Variants in DIP2A observed in about 807,000 individuals in gnomAD.
DIP2A encodes the protein DIP2 acetate--CoA ligase A.
DIP2A carries 85 observed loss-of-function variants against 177.4 expected under a neutral mutation model. That is an observed-to-expected ratio of 0.48 (90% CI 0.40 to 0.57). The LOEUF (loss-of-function observed/expected upper bound fraction) is 0.57, where lower values mean the gene tolerates loss of function less well. DIP2A is among the 20% of genes least tolerant of loss of function. The pLI is 0.00. For synonymous variants in DIP2A, 886 were observed against 881.8 expected (o/e 1.00, Z -0.08); for missense variants, 1,791 against 2,100.2 (o/e 0.85, Z 2.88).
rs1390704837 is a variant in DIP2A, at chr21:46,506,762, TTCTTTC to T, written c.784+2275_784+2280del. 3.0e-3 allele frequency among the ~76,000 whole-genome samples: 323 copies of T among 107,270 alleles called. 12 individuals are homozygous for T. The highest frequency in any genetic ancestry group is 0.011 in the African/African-American group (303 of 27,980). The allele number at this position is 107,270 out of a possible 152,430, so 70.4% of individuals were successfully genotyped here. On this transcript the variant is annotated intron_variant, in intron 6 of 37. Coordinates refer to ENST00000417564, the MANE Select transcript of DIP2A (RefSeq NM_015151.4). Reference sequence around the variant, plus strand: ...TTTCTTTCTTTCTTTCTTTCTTTCTTTCTTTCTTTCTTTTCTTTTCTTTCTTTTCTT... The same window carrying T: ...TTTCTTTCTTTCTTTCTTTCTTTCTTTTTCTTTTCTTTTCTTTCTTTTCTT...
chr21:46,567,710 C>G lies in DIP2A; in HGVS notation c.*88C>G. ...GGAAGACACCGCAGAGCTCACTCAC[C>G]GGGACTCGCCCTTCCTGTGCTCTTA... is the stretch of plus-strand genomic sequence containing the variant. On this transcript the variant is annotated 3_prime_UTR_variant, in exon 38 of 38. Transcript: ENST00000417564. The G allele has an allele frequency of 2.7e-6, 4 of 1,470,974 alleles. No homozygotes were observed. Among genetic ancestry groups the G allele is most frequent in the Non-Finnish European group, 3.6e-6 (4 of 1,104,070 alleles). The allele number at this position is 1,470,974 out of a possible 1,614,324, so 91.1% of individuals were successfully genotyped here. A position where few individuals can be genotyped will look rare whatever the true frequency, so the allele number is the denominator to read the frequency against.
At chr21:46,520,832 A>C (rs2058793014) in intron 8 of DIP2A, among the ~76,000 whole-genome samples, 1 of 152,250 alleles carries the variant, frequency 6.6e-6, no homozygotes, top group South Asian at 2.1e-4. Flanking sequence ...GCATCATTTC[A>C]TATCTGACAG....
At chr21:46,462,898 A>T (rs538062785) in intron 1 of DIP2A, 1 of 152,280 alleles carries the variant, frequency 6.6e-6, no homozygotes, top group East Asian at 1.9e-4. Flanking sequence ...CTCATCATCA[A>T]CCATAGTGAT....
rs778926221 is a variant in DIP2A, at chr21:46,498,183, C to T, written c.404-399C>T. Among the ~76,000 whole-genome samples the T allele has an allele frequency of 1.3e-5, 2 of 152,154 alleles. No individual in the cohort carries two copies. The highest frequency in any genetic ancestry group is 6.5e-5 in the Admixed American group (1 of 15,282). On this transcript the variant is annotated intron_variant, in intron 4 of 37. Coordinates refer to ENST00000417564, the MANE Select transcript of DIP2A (RefSeq NM_015151.4). This position sits in a 1 kb window ranked among gnomAD's most constrained non-coding sequence, Gnocchi z 4.3. The stretch of plus-strand genomic sequence containing the variant: ...CAAGATGTAGGGCCGGGCACAGGCT[C>T]TCCCCTGGGTGATGCTGACTGATGT...
chr21:46,480,336 T>C (rs2056254814), intron 1 of DIP2A, among the ~76,000 whole-genome samples: 1 of 152,114 alleles, frequency 6.6e-6, no homozygotes, highest in Non-Finnish European at 1.5e-5. Flanking sequence ...AGACTTACTA[T>C]CCGGAGAACA....
chr21:46,494,343 A>G (rs1004071134), intron 3 of DIP2A, among the ~76,000 whole-genome samples: 5 of 152,162 alleles, frequency 3.3e-5, no homozygotes, highest in Non-Finnish European at 5.9e-5. Flanking sequence ...ACTAGGTTTG[A>G]TGAAAGTCAG....
chr21:46,517,787 T>C (rs1379305888), intron 8 of DIP2A, among the ~76,000 whole-genome samples: 1 of 152,254 alleles, frequency 6.6e-6, no homozygotes, highest in Non-Finnish European at 1.5e-5. Flanking sequence ...CTTCATGTCC[T>C]GGTGGGACTG....
intron 1 of DIP2A, among the ~76,000 whole-genome samples, chr21:46,470,310 A>G (rs994317430): frequency 1.3e-5 from 2 of 152,158 alleles, no homozygotes; most frequent in African/African-American, 2.4e-5. Flanking sequence ...CCCCGTCTCT[A>G]CTAAAAATAC....
At chr21:46,505,353 A>C (rs1440444545) in intron 6 of DIP2A, among the ~76,000 whole-genome samples, 1 of 152,202 alleles carries the variant, frequency 6.6e-6, no homozygotes, top group Non-Finnish European at 1.5e-5. Flanking sequence ...TCACACCTGT[A>C]ATCCCAGCAC....
At chr21:46,463,720 A>T (rs5018081) in intron 1 of DIP2A, among the ~76,000 whole-genome samples, 132,197 of 145,644 alleles carry the variant, frequency 0.91, 59,396 homozygotes, top group East Asian at 0.98. Context: ...GTGTGTGTGT[A>T]TATTTTGAGA....
chr21:46,511,642 T>C, intron 8 of DIP2A, 28 bp downstream of exon 8: 7 of 1,505,990 alleles, frequency 4.6e-6, no homozygotes, highest in Non-Finnish European at 6.2e-6. Context: ...GCAGTTGTGC[T>C]TCTGGGTTAG....
chr21:46,480,888 C>T (rs1601419219), intron 1 of DIP2A, among the ~76,000 whole-genome samples: 2 of 152,144 alleles, frequency 1.3e-5, no homozygotes, highest in South Asian at 2.1e-4. Flanking sequence ...TCTTCCTTAG[C>T]CACACTTGGT....
chr21:46,509,032 AAAC>A (rs2058172825), intron 6 of DIP2A, among the ~76,000 whole-genome samples: 2 of 151,660 alleles, frequency 1.3e-5, no homozygotes, highest in Admixed American at 6.6e-5. Context: ...AAAAAAACAA[AAAC>A]AAAAAAAAAC....
the DIP2A span, among the ~76,000 whole-genome samples, chr21:46,582,781 T>C: frequency 6.6e-6 from 1 of 152,048 alleles, no homozygotes; most frequent in Non-Finnish European, 1.5e-5. Context: ...GTAATTTTTT[T>C]AACAACCAAG....
chr21:46,476,453 A>G (rs2148368121), intron 1 of DIP2A, among the ~76,000 whole-genome samples: 1 of 152,232 alleles, frequency 6.6e-6, no homozygotes, highest in Admixed American at 6.5e-5. Context: ...TGCCCGAGGA[A>G]GGCGCAGGGC....
intron 17 of DIP2A, among the ~76,000 whole-genome samples, chr21:46,540,200 A>G (rs2059756012): frequency 6.6e-6 from 1 of 152,136 alleles, no homozygotes; most frequent in Non-Finnish European, 1.5e-5. Flanking sequence ...ATTCTTGCAG[A>G]ATGCCGGCTT....
chr21:46,567,312 A>G, intron 37 of DIP2A, 58 bp from the exon 38 acceptor site: 1 of 1,557,582 alleles, frequency 6.4e-7, no homozygotes, highest in Non-Finnish European at 8.7e-7. Context: ...CCAAGCATTC[A>G]TTGGCCCCTG....
chr21:46,545,061 C>T, intron 18 of DIP2A, 76 bp from the exon 19 acceptor site: 2 of 1,433,476 alleles, frequency 1.4e-6, no homozygotes, highest in African/African-American at 1.4e-5. Flanking sequence ...ACCGCACATA[C>T]AGCAGCAAGG....
At chr21:46,579,831 A>C in the DIP2A span, among the ~76,000 whole-genome samples, 1 of 151,996 alleles carries the variant, frequency 6.6e-6, no homozygotes, top group Non-Finnish European at 1.5e-5. Flanking sequence ...TTATAATTTC[A>C]GTTCTTTTGA....
Sources: allele counts gnomAD v4.1 joint callset (sites outside exome capture counted in the v4.1 genomes callset), GRCh38; gene constraint gnomAD v4.1.1; non-coding constraint Gnocchi (gnomAD v3.1); transcripts MANE v1.5; gene names NCBI Gene and HGNC (gene_info 2026-07-23, HGNC 2026-07-21).